The following COX7A1 variants were observed in gnomAD, a reference collection of about 807,000 sequenced individuals.
The protein encoded by COX7A1 is cytochrome c oxidase subunit 7A1, mitochondrial.
Under a neutral mutation model 13.2 loss-of-function variants are expected in COX7A1, and 21 were observed. The observed-to-expected ratio is 1.59, with a 90% CI of 1.13 to 2.29. The LOEUF is 2.29. Ranked by LOEUF, COX7A1 falls within the 30% of genes most tolerant of loss-of-function variation. COX7A1 has a pLI of 0.00. For synonymous variants in COX7A1, 41 were observed against 41.9 expected (o/e 0.98, Z 0.08); for missense variants, 107 against 100.0 (o/e 1.07, Z -0.30).
chr19:36,151,613 C>A, intron 2 of COX7A1, 56 bp downstream of exon 2: 1 of 1,609,592 alleles, frequency 6.2e-7, no homozygotes, highest in Non-Finnish European at 8.5e-7. Flanking sequence ...CCGCCTGCCC[C>A]GGCTCGGCGC....
intron 1 of COX7A1, chr19:36,152,028 C>A (rs1234903834): frequency 1.6e-6 from 1 of 606,454 alleles, no homozygotes; most frequent in Admixed American, 3.0e-5. Context: ...GGGCCTAAGT[C>A]CTGAGATTTT....
chr19:36,151,645 T>TGCCCCCCCCCCC, intron 2 of COX7A1, 24 bp downstream of exon 2: 59 of 1,387,390 alleles, frequency 4.3e-5, no homozygotes, highest in Non-Finnish European at 5.7e-5. Flanking sequence ...GCGCGTCGGA[T>TGCCCCCCCCCCC]CCCCACCCCC....
chr19:36,152,129 G>A, intron 1 of COX7A1: 1 of 579,056 alleles, frequency 1.7e-6, no homozygotes, highest in South Asian at 2.3e-5. Context: ...CGTCCAGGCT[G>A]CCTGAGAAGG....
At chr19:36,151,998 CAGA>C in intron 1 of COX7A1, 1 of 633,392 alleles carries the variant, frequency 1.6e-6, no homozygotes, top group Non-Finnish European at 2.9e-6. Context: ...GGAGAGGACC[CAGA>C]AGGACTTTGT....
chr19:36,152,325 T>G, intron 1 of COX7A1, 68 bp downstream of exon 1: 35 of 1,201,134 alleles, frequency 2.9e-5, no homozygotes, highest in Non-Finnish European at 3.7e-5. Context: ...CGGGGGCACT[T>G]GGAGAGTCGC....
intron 2 of COX7A1, 50 bp downstream of exon 2, chr19:36,151,619 G>A (rs765489898): frequency 6.2e-7 from 1 of 1,610,210 alleles, no homozygotes; most frequent in South Asian, 1.1e-5. Flanking sequence ...GCCCCGGCTC[G>A]GCGCGCTCCC....
At chr19:36,151,637 G>A in intron 2 of COX7A1, 32 bp downstream of exon 2, 1 of 1,599,418 alleles carries the variant, frequency 6.3e-7, no homozygotes, top group South Asian at 1.1e-5. Context: ...CCCGGCTGGC[G>A]CGTCGGATCC....
chr19:36,151,631 G>A (rs1974770813), intron 2 of COX7A1, 38 bp downstream of exon 2: 1 of 1,607,360 alleles, frequency 6.2e-7, no homozygotes, highest in Non-Finnish European at 8.5e-7. Context: ...CGCGCTCCCG[G>A]CTGGCGCGTC....
At chr19:36,151,390 C>G in intron 3 of COX7A1, 72 bp downstream of exon 3, 8 of 1,558,938 alleles carry the variant, frequency 5.1e-6, no homozygotes, top group Non-Finnish European at 6.2e-6. Flanking sequence ...TCAGTCCTGC[C>G]CAGAAACCAG....
At position 36,151,412 on chromosome 19, in the gene COX7A1, T is replaced by C. The variant is rs764691465; in HGVS notation, c.187+50A>G. The C allele has an allele frequency of 2.5e-6, 4 of 1,603,976 alleles. No homozygotes were observed. In the African/African-American group the frequency reaches 5.4e-5, roughly 21 times the overall value. ...TGCCCAGAAACCAGCCACCTCTTAC[T>C]CTGGGTCCAGCCCCGCCTCCCCCGC... is the stretch of plus-strand genomic sequence containing the variant. On this transcript the variant is annotated intron_variant, in intron 3 of 3. Coordinates refer to ENST00000292907, the MANE Select transcript of COX7A1 (RefSeq NM_001864.4).
At position 36,151,523 on chromosome 19, in the gene COX7A1, G is replaced by T. The variant is rs1351005646; in HGVS notation, c.126C>A (p.Tyr42Ter). 7 of 1,614,068 alleles carry T rather than the reference G, an allele frequency of 4.3e-6. No homozygotes were observed. Among genetic ancestry groups the T allele is most frequent in the Non-Finnish European group, 5.1e-6 (6 of 1,180,036 alleles). Residue 42 changes from tyrosine (Y) to a stop codon, truncating the protein, a stop_gained, in exon 3 of 4, where the codon TAC (tyrosine) becomes TAA (stop). Coordinates refer to ENST00000292907, the MANE Select transcript of COX7A1 (RefSeq NM_001864.4). LOFTEE classifies it high-confidence loss of function. The stretch of plus-strand genomic sequence containing the variant: ...TGTTGTCAACGATGCCGCCCTTCAG[G>T]TACAACGGGATGTCATTGTCCTCCT... ...LFQEDNDIPLYLKGGIVDNIL... is the reference protein window; with the variant it reads ...LFQEDNDIPL
At chr19:36,152,101 A>T (rs529414027) in intron 1 of COX7A1, 1 of 593,788 alleles carries the variant, frequency 1.7e-6, no homozygotes, top group Admixed American at 3.2e-5. Context: ...TGGGGACCGG[A>T]ATGGAGGTCC....
intron 2 of COX7A1, 51 bp from the exon 3 acceptor site, chr19:36,151,597 C>G (rs1974770113): frequency 6.2e-7 from 1 of 1,611,262 alleles, no homozygotes. Flanking sequence ...CTCCTTAGAG[C>G]GCGCCCCGCC....
At chr19:36,151,852 T>C in intron 1 of COX7A1, 97 bp from the exon 2 acceptor site, 1 of 1,091,592 alleles carries the variant, frequency 9.2e-7, no homozygotes, top group Non-Finnish European at 1.4e-6. Flanking sequence ...GACAGCCCCA[T>C]CCCTAGCGAG....
At chr19:36,152,156 G>A (rs1974783678) in intron 1 of COX7A1, 3 of 552,998 alleles carry the variant, frequency 5.4e-6, no homozygotes, top group East Asian at 6.1e-5. Context: ...TGAGGCCAGT[G>A]TTAAGGGTTC....
Position 36,152,390 on chromosome 19 carries a change from C to T in COX7A1, c.15+3G>A, listed in dbSNP as rs781090530. On this transcript the variant is annotated splice_donor_region_variant and intron_variant, in intron 1 of 3. Transcript: ENST00000292907. ...GCTCCGGCCCAGCCCATGGGGGCCTCACCCGAAGGGCCTGCATTCTGCCTT... is the reference window on the plus strand; with the variant it reads ...GCTCCGGCCCAGCCCATGGGGGCCTTACCCGAAGGGCCTGCATTCTGCCTT... 2.8e-4 allele frequency: 380 copies of T among 1,361,152 alleles called. No individual in the cohort carries two copies. Among genetic ancestry groups the T allele is most frequent in the Non-Finnish European group, 3.5e-4 (366 of 1,047,046 alleles). 84.3% of individuals were successfully genotyped at this position (1,361,152 alleles called of 1,614,324 possible). A position where few individuals can be genotyped will look rare whatever the true frequency, so the allele number is the denominator to read the frequency against.
chr19:36,152,244 G>T (rs1442309299), intron 1 of COX7A1, 149 bp downstream of exon 1: 2 of 575,300 alleles, frequency 3.5e-6, no homozygotes, highest in African/African-American at 3.9e-5. Context: ...GGATTGTGGG[G>T]GAAGGGACCC....
chr19:36,152,345 CG>C, intron 1 of COX7A1, 47 bp downstream of exon 1: 2 of 1,077,976 alleles, frequency 1.9e-6, no homozygotes, highest in Non-Finnish European at 2.3e-6. Flanking sequence ...CGTATTAGGG[CG>C]GGGTTTTCTG....
Position 36,152,374 on chromosome 19 carries a change from C to A in COX7A1, c.15+19G>T. Reference sequence around the variant, plus strand: ...GTTTTCTGGGTGGGGGGCTCCGGCCCAGCCCATGGGGGCCTCACCCGAAGG... The same window carrying A: ...GTTTTCTGGGTGGGGGGCTCCGGCCAAGCCCATGGGGGCCTCACCCGAAGG... On this transcript the variant is annotated intron_variant, in intron 1 of 3. Coordinates refer to ENST00000292907, the MANE Select transcript of COX7A1 (RefSeq NM_001864.4). The A allele has an allele frequency of 7.4e-7, 1 of 1,343,706 alleles. No individual in the cohort carries two copies. Among genetic ancestry groups the A allele is most frequent in the South Asian group, 2.3e-5 (1 of 44,124 alleles). The allele number at this position is 1,343,706 out of a possible 1,614,324, so 83.2% of individuals were successfully genotyped here. A position where few individuals can be genotyped will look rare whatever the true frequency, so the allele number is the denominator to read the frequency against.
Sources: allele counts gnomAD v4.1 joint callset, GRCh38; gene constraint gnomAD v4.1.1; transcripts MANE v1.5; gene names NCBI Gene and HGNC (gene_info 2026-07-23, HGNC 2026-07-21).